The following MAPK6 variants were observed in gnomAD, a reference collection of about 807,000 sequenced individuals.
MAPK6 encodes the protein ERK-3.
MAPK6 carries 19 observed loss-of-function variants against 59.3 expected under a neutral mutation model. The observed-to-expected ratio is 0.32, with a 90% CI of 0.22 to 0.47. The LOEUF is 0.47. Ranked by LOEUF, MAPK6 falls within the 20% of genes least tolerant of loss-of-function variation. MAPK6 has a pLI of 1.00. For missense variants in MAPK6, 724 were observed against 847.9 expected, an observed-to-expected ratio of 0.85 and a Z score of 1.81; for synonymous variants, 316 against 290.3, an observed-to-expected ratio of 1.09 and a Z score of -0.90.
intron 1 of MAPK6, among the ~76,000 whole-genome samples, chr15:52,030,367 G>C (rs1414967570): frequency 2.0e-5 from 3 of 152,168 alleles, no homozygotes; most frequent in Non-Finnish European, 4.4e-5. Flanking sequence ...CACATGCTAA[G>C]TGCTCAGTAA....
At chr15:52,053,372 G>A (rs762694417) in intron 3 of MAPK6, among the ~76,000 whole-genome samples, 7 of 151,738 alleles carry the variant, frequency 4.6e-5, no homozygotes, top group Non-Finnish European at 5.9e-5. Flanking sequence ...CATTGCACCC[G>A]GCCTCATTGT....
At chr15:52,019,729 C>T (rs1281387460) in intron 1 of MAPK6, among the ~76,000 whole-genome samples, 1 of 151,046 alleles carries the variant, frequency 6.6e-6, no homozygotes, top group Non-Finnish European at 1.5e-5. Flanking sequence ...TCCCTGGCCC[C>T]GCACGCCTGC....
chr15:52,004,780 C>G (rs2057252930), intron 3 of MAPK6, among the ~76,000 whole-genome samples: 1 of 152,176 alleles, frequency 6.6e-6, no homozygotes, highest in Non-Finnish European at 1.5e-5. Flanking sequence ...GTGGAGCCCC[C>G]ATGACCTAAA....
At chr15:52,012,389 C>T (rs1403993770) in intron 3 of MAPK6, among the ~76,000 whole-genome samples, 11 of 152,252 alleles carry the variant, frequency 7.2e-5, no homozygotes, top group South Asian at 2.1e-4. Flanking sequence ...CCCCCTGGGA[C>T]GTGGACACTG....
Position 52,061,389 on chromosome 15 carries a change from ATTC to A in MAPK6, c.959_961del (p.Ser320del). The A allele has an allele frequency of 6.2e-7, 1 of 1,614,010 alleles. No homozygotes were observed. The highest frequency in any genetic ancestry group is 8.5e-7 in the Non-Finnish European group (1 of 1,179,862). ...CTCTCCCATCCTTACATGAGCATAT[ATTC>A]TTTTCCAATGGATGAGCCAATTTCA... is the stretch of plus-strand genomic sequence containing the variant. On this transcript the variant is annotated inframe_deletion, in exon 5 of 6. Transcript: ENST00000261845.
At chr15:51,992,379 G>T (rs149802522) in intron 2 of MAPK6, among the ~76,000 whole-genome samples, 2,477 of 148,618 alleles carry the variant, frequency 0.017, 28 homozygotes, top group African/African-American at 0.033. Context: ...TCGGCTCACT[G>T]CAAGCTCTGC....
chr15:52,046,613 T>G lies in MAPK6; in HGVS notation c.153T>G (p.Ile51Met). The change falls in exon 2 of 6, where the codon ATT becomes ATG. Residue 51 changes from isoleucine to methionine, a missense_variant. This residue lies in a region of MAPK6 where 87 missense variants were observed against 93.0 expected (regional missense o/e 0.93). Coordinates refer to ENST00000261845, the MANE Select transcript of MAPK6 (RefSeq NM_002748.4). The stretch of plus-strand genomic sequence containing the variant: ...ACAAAAGAGTAGCCATCAAGAAAAT[T>G]GTCCTTACTGATCCCCAGAGTGTCA... ...DCDKRVAIKK[I>M]VLTDPQSVKH... The G allele has an allele frequency of 5.0e-6, 8 of 1,614,194 alleles. No individual in the cohort carries two copies. Among genetic ancestry groups the G allele is most frequent in the Non-Finnish European group, 6.8e-6 (8 of 1,180,034 alleles).
At chr15:51,992,418 C>T (rs1337952384) in intron 2 of MAPK6, among the ~76,000 whole-genome samples, 1 of 151,684 alleles carries the variant, frequency 6.6e-6, no homozygotes, top group Admixed American at 6.6e-5. Context: ...TCTCCTGCCT[C>T]AGCCTCCCGG....
chr15:52,019,085 G>A (rs899645244), upstream of MAPK6: 2 of 152,284 alleles, frequency 1.3e-5, no homozygotes, highest in Non-Finnish European at 2.9e-5. Flanking sequence ...CACCGCCTCC[G>A]CGGCGCGCGC....
intron 1 of MAPK6, among the ~76,000 whole-genome samples, chr15:52,033,373 A>G (rs1023776428): frequency 2.6e-5 from 4 of 152,118 alleles, no homozygotes; most frequent in Non-Finnish European, 4.4e-5. Context: ...CGAGGCTAGA[A>G]CAAAGCAGGT....
At position 52,012,847 on chromosome 15, in the gene MAPK6, C is replaced by T. The variant is rs889696861; in HGVS notation, c.-632+8445C>T. On this transcript the variant is annotated intron_variant, in intron 3 of 7. Coordinates refer to the MAPK6 transcript ENST00000691380. Reference sequence around the variant, plus strand: ...ACTAAAAATACAAAAATTAGCCGGGCGTGGTGGTGGGTGCCTGTAGTCCCA... The same window carrying T: ...ACTAAAAATACAAAAATTAGCCGGGTGTGGTGGTGGGTGCCTGTAGTCCCA... 5.0e-4 allele frequency among the ~76,000 whole-genome samples: 76 copies of T among 150,756 alleles called. 1 individual carries two copies. Among genetic ancestry groups the T allele is most frequent in the Middle Eastern group, 3.4e-3 (1 of 294 alleles).
chr15:52,004,957 G>A (rs2057253547), intron 3 of MAPK6, among the ~76,000 whole-genome samples: 1 of 152,220 alleles, frequency 6.6e-6, no homozygotes, highest in Admixed American at 6.5e-5. Flanking sequence ...GTGGAGAGAT[G>A]CAGGCAGAGA....
rs2030092731 is a variant in MAPK6 at position 52,012,888 on chromosome 15, G to A, written c.-632+8486G>A. On this transcript the variant is annotated intron_variant, in intron 3 of 7. Transcript: ENST00000691380. ...TGTAGTCCCAGCTACTCGGGAGGAT[G>A]AGGCATGAGAATGCCTTGAACCCGG... 2.7e-5 allele frequency among the ~76,000 whole-genome samples: 4 copies of A among 150,118 alleles called. No homozygotes were observed. In the South Asian group the frequency reaches 8.5e-4, roughly 32 times the overall value.
rs1391299142 is a variant in MAPK6, at chr15:52,036,361, T to C, written c.-631-9469T>C. ...GGTTTCATGTTGCTAAAACAACACC[T>C]GAGACTGGGTAATTTATAAAGAAGA... On this transcript the variant is annotated intron_variant, in intron 1 of 5. Transcript: ENST00000261845. Among the ~76,000 whole-genome samples the C allele has an allele frequency of 2.0e-5, 3 of 152,182 alleles. No homozygotes were observed. In the East Asian group the frequency reaches 5.8e-4, roughly 29 times the overall value.
chr15:52,005,801 G>C (rs1157753431), intron 3 of MAPK6, among the ~76,000 whole-genome samples: 1 of 152,112 alleles, frequency 6.6e-6, no homozygotes, highest in Non-Finnish European at 1.5e-5. Flanking sequence ...CTTACACCTA[G>C]GTCTGCTGAC....
intron 1 of MAPK6, chr15:52,020,059 C>G (rs1355271695): frequency 6.6e-6 from 1 of 152,324 alleles, no homozygotes; most frequent in Non-Finnish European, 1.5e-5. Flanking sequence ...GACGAAATTC[C>G]TAATTTCCTC....
At chr15:52,014,252 C>T (rs950005537), upstream of MAPK6, among the ~76,000 whole-genome samples, 6 of 152,274 alleles carry the variant, frequency 3.9e-5, no homozygotes, top group Admixed American at 3.3e-4. Flanking sequence ...TTCTCTCCTG[C>T]ATTCCTCCAC....
At chr15:51,978,889 G>A (rs2057164804) in intron 1 of MAPK6, among the ~76,000 whole-genome samples, 1 of 151,734 alleles carries the variant, frequency 6.6e-6, no homozygotes, top group Non-Finnish European at 1.5e-5. Context: ...GGGAGGCCAA[G>A]GTGGGCAGAT....
chr15:52,063,885 G>A lies in MAPK6; in HGVS notation c.1068-17G>A. ...ATCATATACGTAGAATAACGCTAGT[G>A]TATTGATTTTTTTCAGGTATCATGA... On this transcript the variant is annotated splice_polypyrimidine_tract_variant and intron_variant, in intron 5 of 5. Coordinates refer to ENST00000261845, the MANE Select transcript of MAPK6 (RefSeq NM_002748.4). 6.5e-7 allele frequency: 1 copy of A among 1,529,814 alleles called. No individual in the cohort carries two copies. Among genetic ancestry groups the A allele is most frequent in the East Asian group, 2.3e-5 (1 of 44,178 alleles). 94.8% of individuals were successfully genotyped at this position (1,529,814 alleles called of 1,614,324 possible).
Sources: allele counts gnomAD v4.1 joint callset (sites outside exome capture counted in the v4.1 genomes callset), GRCh38; gene constraint gnomAD v4.1.1; regional missense constraint gnomAD v4.1.1; transcripts MANE v1.5; gene names NCBI Gene and HGNC (gene_info 2026-07-23, HGNC 2026-07-21).